Variants in PEAK1 observed in about 807,000 individuals in gnomAD.
PEAK1 encodes the protein inactive tyrosine-protein kinase PEAK1.
Under a neutral mutation model 124.7 loss-of-function variants are expected in PEAK1, and 54 were observed. The observed-to-expected ratio is 0.43, with a 90% CI of 0.35 to 0.54. PEAK1 has a LOEUF of 0.54. Among genes scored for constraint, PEAK1 ranks in the 20% least tolerant of loss-of-function variants. The pLI is 0.01. For missense variants in PEAK1, 2,046 were observed against 2,134.5 expected, an observed-to-expected ratio of 0.96 and a Z score of 0.82; for synonymous variants, 719 against 760.0, an observed-to-expected ratio of 0.95 and a Z score of 0.89.
intron 7 of PEAK1, among the ~76,000 whole-genome samples, chr15:77,176,159 G>A (rs550578318): frequency 4.7e-5 from 7 of 150,304 alleles, no homozygotes; most frequent in African/African-American, 1.5e-4. Context: ...GCTAAATGAC[G>A]AGTTAATGGG....
intron 2 of PEAK1, chr15:77,349,769 C>A (rs1464696238): frequency 1.0e-6 from 1 of 985,160 alleles, no homozygotes; most frequent in Non-Finnish European, 1.2e-6. Flanking sequence ...TTCACTTTCA[C>A]AAATAATTAG....
chr15:77,153,419 T>G (rs1223713517), intron 8 of PEAK1, among the ~76,000 whole-genome samples: 2 of 152,164 alleles, frequency 1.3e-5, no homozygotes, highest in Non-Finnish European at 2.9e-5. Flanking sequence ...ATTTTGTTGA[T>G]CTTTTCAAAA....
intron 2 of PEAK1, among the ~76,000 whole-genome samples, chr15:77,357,318 T>C (rs1189185986): frequency 6.6e-6 from 1 of 152,186 alleles, no homozygotes; most frequent in Non-Finnish European, 1.5e-5. Context: ...TGTTACCCAG[T>C]CTGGAATGCA....
At chr15:77,333,886 T>C (rs1384139537) in intron 2 of PEAK1, 1 of 470,090 alleles carries the variant, frequency 2.1e-6, no homozygotes, top group African/African-American at 2.1e-5. Flanking sequence ...TTTAAACTTA[T>C]TCTACAACAA....
intron 8 of PEAK1, chr15:77,157,450 A>G (rs2055255657): frequency 6.6e-6 from 1 of 152,228 alleles, no homozygotes; most frequent in Non-Finnish European, 1.5e-5. Flanking sequence ...CTCAAGGGAG[A>G]CAGGTAAGAA....
chr15:77,271,529 C>A (rs560689340), intron 5 of PEAK1, among the ~76,000 whole-genome samples: 13 of 152,170 alleles, frequency 8.5e-5, no homozygotes, highest in Non-Finnish European at 1.8e-4. Context: ...TGGTACCAAC[C>A]CAAATGTCCA....
chr15:77,389,950 T>C (rs1172494583), intron 1 of PEAK1, among the ~76,000 whole-genome samples: 1 of 152,244 alleles, frequency 6.6e-6, no homozygotes, highest in Non-Finnish European at 1.5e-5. Context: ...AACAGAATGA[T>C]GATAATGAAT....
chr15:77,338,077 A>C, intron 2 of PEAK1: 1 of 983,526 alleles, frequency 1.0e-6, no homozygotes, highest in Non-Finnish European at 1.2e-6. Flanking sequence ...TATTGGACTC[A>C]AACTGTATAC....
intron 5 of PEAK1, among the ~76,000 whole-genome samples, chr15:77,262,274 G>C (rs1292915433): frequency 6.6e-6 from 1 of 152,098 alleles, no homozygotes; most frequent in Non-Finnish European, 1.5e-5. Flanking sequence ...AACTTTAAAT[G>C]TAAATGGGCT....
chr15:77,260,990 C>T (rs927083075), intron 5 of PEAK1, among the ~76,000 whole-genome samples: 2 of 152,218 alleles, frequency 1.3e-5, no homozygotes. Flanking sequence ...GCAGCCTCCG[C>T]TGCTGATACC....
chr15:77,295,992 G>C (rs2063467199), intron 2 of PEAK1, among the ~76,000 whole-genome samples: 1 of 152,188 alleles, frequency 6.6e-6, no homozygotes, highest in South Asian at 2.1e-4. Context: ...AAAGATGTAA[G>C]TGGTATTTTA....
chr15:77,107,851 T>C (rs1160137894), downstream of PEAK1: 1 of 152,248 alleles, frequency 6.6e-6, no homozygotes, highest in Non-Finnish European at 1.5e-5. Flanking sequence ...TGCAGGTGAC[T>C]GCTCACCAGA....
rs1052381090 is a variant in PEAK1, at chr15:77,335,844, T to C, written c.-603+29319A>G. ...TCTAGGTAATGGTTTCCAATCTCCATTTTACCAATTCAAAGAGACTTGACA... is the reference window on the plus strand; with the variant it reads ...TCTAGGTAATGGTTTCCAATCTCCACTTTACCAATTCAAAGAGACTTGACA... On this transcript the variant is annotated intron_variant, in intron 2 of 9. Transcript: ENST00000682557. 7.1e-6 allele frequency: 7 copies of C among 985,252 alleles called. No individual in the cohort carries two copies. In the African/African-American group the frequency reaches 8.7e-5, roughly 12 times the overall value. 61.0% of individuals were successfully genotyped at this position (985,252 alleles called of 1,614,324 possible).
chr15:77,333,711 G>A, intron 2 of PEAK1: 1 of 968,800 alleles, frequency 1.0e-6, no homozygotes, highest in Non-Finnish European at 1.2e-6. Flanking sequence ...CTAATGAATT[G>A]AAATGGCTTC....
At position 77,180,293 on chromosome 15, in the gene PEAK1, A is replaced by G. The variant is rs765564609; in HGVS notation, c.1634T>C (p.Ile545Thr). 6.2e-7 allele frequency: 1 copy of G among 1,614,126 alleles called. No homozygotes were observed. The highest frequency in any genetic ancestry group is 1.7e-5 in the Admixed American group (1 of 60,018). Reference protein sequence around the residue: ...WTSSTSPRQKIPKVELITSGT... With the variant: ...WTSSTSPRQKTPKVELITSGT... ...ACTAGTAATTAGTTCTACTTTAGGT[A>G]TCTTTTGTCGTGGACTGGTGCTAGA... is the stretch of plus-strand genomic sequence containing the variant. Residue 545 changes from isoleucine (I) to threonine (T), a missense_variant, in exon 7 of 10, where the codon ATA (isoleucine) becomes ACA (threonine). By Grantham distance (89) the Ile-to-Thr change is moderately conservative. Transcript: ENST00000682557.
chr15:77,300,244 G>C (rs142359699), intron 2 of PEAK1, among the ~76,000 whole-genome samples: 6 of 152,358 alleles, frequency 3.9e-5, no homozygotes, highest in Middle Eastern at 3.4e-3. Flanking sequence ...ACTGACTTCT[G>C]CTGTAGCTGA....
chr15:77,340,763 C>T (rs1314248883), intron 2 of PEAK1, among the ~76,000 whole-genome samples: 1 of 152,060 alleles, frequency 6.6e-6, no homozygotes, highest in Non-Finnish European at 1.5e-5. Context: ...GTAGACCCTA[C>T]AAGTTAAAGG....
At chr15:77,419,701 T>C (rs896280362) in intron 1 of PEAK1, 1 of 978,628 alleles carries the variant, frequency 1.0e-6, no homozygotes, top group African/African-American at 1.8e-5. Context: ...CCAACTTTCC[T>C]TCCTCTGGGG....
intron 5 of PEAK1, among the ~76,000 whole-genome samples, chr15:77,276,861 T>C (rs929998514): frequency 6.6e-6 from 1 of 151,968 alleles, no homozygotes; most frequent in African/African-American, 2.4e-5. Flanking sequence ...ATTAGAAACA[T>C]ATAAAAATGT....
Sources: gnomAD v4.1 joint callset for allele counts (sites outside exome capture counted in the v4.1 genomes callset) on GRCh38, gnomAD v4.1.1 for gene constraint, MANE v1.5 for transcripts, NCBI Gene and HGNC (gene_info 2026-07-23, HGNC 2026-07-21) for gene names.